Variants in POLA1 observed in about 807,000 individuals in gnomAD.
POLA1 encodes the protein DNA polymerase alpha 1, catalytic subunit, also known as DNA polymerase alpha catalytic subunit.
In POLA1, 15 loss-of-function variants were observed where a neutral mutation model predicts 124.0. The ratio of observed to expected loss-of-function variants is 0.12; its 90% CI spans 0.08 to 0.19. The LOEUF (loss-of-function observed/expected upper bound fraction) is 0.19, where lower values mean the gene tolerates loss of function less well. Among genes scored for constraint, POLA1 ranks in the 10% least tolerant of loss-of-function variants. The pLI is 1.00. For missense variants in POLA1, 886 were observed against 1,103.4 expected (o/e 0.80, Z 2.79); for synonymous variants, 408 against 389.4 (o/e 1.05, Z -0.56).
At chrX:24,903,095 A>G (rs957551818) in intron 35 of POLA1, among the ~76,000 whole-genome samples, 2 of 112,454 alleles carry the variant, frequency 1.8e-5, no homozygotes, top group Non-Finnish European at 3.8e-5. Context: ...GTATTTGCGT[A>G]TGTGTGTTTT....
chrX:24,751,879 G>A (rs1013392079), intron 26 of POLA1, among the ~76,000 whole-genome samples: 3 of 111,588 alleles, frequency 2.7e-5, no homozygotes, highest in African/African-American at 6.5e-5. Flanking sequence ...GACAAGATAC[G>A]AGTGGGCAGA....
chrX:24,709,253 C>A (rs1176818512), intron 4 of POLA1, among the ~76,000 whole-genome samples: 11 of 96,560 alleles, frequency 1.1e-4, no homozygotes, highest in East Asian at 3.3e-4. Flanking sequence ...CTGACCCCCC[C>A]ACCTCCCTCC....
At chrX:24,825,015 G>A (rs995975563) in intron 31 of POLA1, among the ~76,000 whole-genome samples, 4 of 111,233 alleles carry the variant, frequency 3.6e-5, no homozygotes, top group African/African-American at 9.8e-5. Context: ...TCATAATTCC[G>A]TAAATTGTTC....
At chrX:24,734,751 G>A (rs923668045) in intron 17 of POLA1, among the ~76,000 whole-genome samples, 1 of 110,974 alleles carries the variant, frequency 9.0e-6, no homozygotes, top group Non-Finnish European at 1.9e-5. Flanking sequence ...GAGTATCTGG[G>A]ATTACAGGCT....
intron 34 of POLA1, among the ~76,000 whole-genome samples, chrX:24,886,816 T>C (rs984952823): frequency 4.4e-5 from 5 of 112,414 alleles, no homozygotes; most frequent in Non-Finnish European, 7.5e-5. Context: ...CATAGCTCTT[T>C]CTGGCCTGCA....
In POLA1 at chrX:24,859,959, A is replaced by G. The variant is rs1449107495; in HGVS notation, c.4047+16282A>G. Among the ~76,000 whole-genome samples the G allele has an allele frequency of 2.7e-5, 3 of 112,727 alleles. No individual in the cohort carries two copies. In the Admixed American group the frequency reaches 2.8e-4, roughly 11 times the overall value. On this transcript the variant is annotated intron_variant, in intron 34 of 36. Transcript: ENST00000379068. The stretch of plus-strand genomic sequence containing the variant: ...TTAAACTTAGTCTTGCATCATACAC[A>G]TACACATATTTTGCAGGTTTTCACC...
intron 35 of POLA1, among the ~76,000 whole-genome samples, chrX:24,913,370 G>A (rs2047478312): frequency 9.0e-6 from 1 of 111,527 alleles, no homozygotes; most frequent in Non-Finnish European, 1.9e-5. Context: ...TTTGAAGCAT[G>A]GTGGGACTAT....
At chrX:24,725,217 T>C (rs1256035780) in intron 12 of POLA1, among the ~76,000 whole-genome samples, 2 of 97,279 alleles carry the variant, frequency 2.1e-5, no homozygotes, top group African/African-American at 3.9e-5. Flanking sequence ...TTTTTTGAGA[T>C]GGAGTCTTGC....
chrX:24,890,205 C>T (rs748173667), intron 35 of POLA1, among the ~76,000 whole-genome samples: 6 of 108,102 alleles, frequency 5.6e-5, no homozygotes, highest in Non-Finnish European at 7.7e-5. Context: ...CTCCTGCCTT[C>T]GCCTCCCGAG....
At chrX:24,788,318 C>G in intron 26 of POLA1, 9 of 1,008,261 alleles carry the variant, frequency 8.9e-6, no homozygotes. Flanking sequence ...ATAAGGATGC[C>G]CACTTTTACT....
chrX:24,917,031 T>C (rs1185019603), intron 35 of POLA1, among the ~76,000 whole-genome samples: 1 of 112,201 alleles, frequency 8.9e-6, no homozygotes, highest in Admixed American at 9.4e-5. Context: ...AGGCTGGGCA[T>C]GGTGGCTCAC....
chrX:24,792,061 A>C (rs1021466167), intron 26 of POLA1, among the ~76,000 whole-genome samples: 2 of 112,598 alleles, frequency 1.8e-5, no homozygotes, highest in Admixed American at 9.4e-5. Context: ...GTACTCTTAT[A>C]ACAGAAAATA....
At chrX:24,801,262 G>T (rs1295348768) in intron 26 of POLA1, among the ~76,000 whole-genome samples, 1 of 112,228 alleles carries the variant, frequency 8.9e-6, no homozygotes, top group Non-Finnish European at 1.9e-5. Context: ...TGTGTACTGT[G>T]TGTGGGCTTA....
intron 29 of POLA1, 32 bp from the exon 30 acceptor site, chrX:24,814,943 GCTGT>G: frequency 9.1e-7 from 1 of 1,104,539 alleles, no homozygotes; most frequent in Non-Finnish European, 1.2e-6. Context: ...AAAATCAACT[GCTGT>G]CTTTGTTTTG....
chrX:24,732,929 A>G (rs997445183), intron 16 of POLA1, among the ~76,000 whole-genome samples: 3 of 112,102 alleles, frequency 2.7e-5, no homozygotes, highest in Middle Eastern at 4.6e-3. Flanking sequence ...AATTCAATGG[A>G]TGAAACAATT....
chrX:24,733,459 G>C (rs1931064528), intron 16 of POLA1, among the ~76,000 whole-genome samples: 1 of 112,184 alleles, frequency 8.9e-6, no homozygotes. Context: ...CGGCATTGGT[G>C]GTGGTGGGAT....
intron 34 of POLA1, among the ~76,000 whole-genome samples, chrX:24,881,765 A>G (rs2047005140): frequency 8.9e-6 from 1 of 111,899 alleles, no homozygotes; most frequent in Non-Finnish European, 1.9e-5. Context: ...AAATTTCACA[A>G]AAGACGAATG....
At chrX:24,784,539 C>G in intron 26 of POLA1, among the ~76,000 whole-genome samples, 1 of 109,867 alleles carries the variant, frequency 9.1e-6, no homozygotes, top group East Asian at 2.9e-4. Flanking sequence ...AAAAAATGAG[C>G]CAGGTGTGGT....
chrX:24,783,619 C>T (rs2045307442), intron 26 of POLA1, among the ~76,000 whole-genome samples: 1 of 111,711 alleles, frequency 9.0e-6, no homozygotes, highest in African/African-American at 3.3e-5. Context: ...TTCTTAACAC[C>T]AAGTTTAAAG....
Sources: allele counts gnomAD v4.1 joint callset (sites outside exome capture counted in the v4.1 genomes callset), GRCh38; gene constraint gnomAD v4.1.1; transcripts MANE v1.5; gene names NCBI Gene and HGNC (gene_info 2026-07-23, HGNC 2026-07-21).